VPS13D: variants seen among roughly 807,000 people sequenced by gnomAD.
VPS13D encodes the protein intermembrane lipid transfer protein VPS13D.
A neutral mutation model predicts 461.9 loss-of-function variants in VPS13D; 187 were observed. The observed-to-expected ratio is 0.40, with a 90% confidence interval of 0.36 to 0.46. The LOEUF (loss-of-function observed/expected upper bound fraction) is 0.46. Ranked by LOEUF, VPS13D falls within the 20% of genes least tolerant of loss-of-function variation. VPS13D has a pLI of 0.60. For synonymous variants in VPS13D, 1,951 were observed against 1,986.3 expected (o/e 0.98, Z 0.47); for missense variants, 4,711 against 5,364.9 (o/e 0.88, Z 3.81).
At chr1:12,472,294 C>G (rs772665626) in intron 67 of VPS13D, among the ~76,000 whole-genome samples, 3 of 152,174 alleles carry the variant, frequency 2.0e-5, no homozygotes, top group African/African-American at 4.8e-5. Flanking sequence ...GTGGAATGAT[C>G]AAGTGGGGAC....
chr1:12,506,483 A>G (rs1190316324), intron 68 of VPS13D, among the ~76,000 whole-genome samples: 1 of 152,066 alleles, frequency 6.6e-6, no homozygotes, highest in Non-Finnish European at 1.5e-5. Context: ...AACCTGTTTA[A>G]TTCTGCTTTT....
At chr1:12,316,498 A>G (rs761189692) in intron 30 of VPS13D, among the ~76,000 whole-genome samples, 21 of 152,152 alleles carry the variant, frequency 1.4e-4, no homozygotes, top group African/African-American at 1.9e-4. Context: ...CTGACAATCT[A>G]TGTTCAAAAT....
At chr1:12,405,438 G>T (rs1644639729) in intron 63 of VPS13D, among the ~76,000 whole-genome samples, 3 of 152,146 alleles carry the variant, frequency 2.0e-5, no homozygotes, top group African/African-American at 7.2e-5. Context: ...ACAGTAGTCT[G>T]GTCAACATCA....
intron 67 of VPS13D, among the ~76,000 whole-genome samples, chr1:12,480,647 A>G (rs1294487391): frequency 1.4e-4 from 21 of 152,162 alleles, no homozygotes; most frequent in Admixed American, 1.4e-3. Context: ...TCATGTATTT[A>G]AGGTTAAATT....
chr1:12,349,196 G>A lies in VPS13D; in HGVS notation c.9253G>A (p.Asp3085Asn). 6.2e-7 allele frequency: 1 copy of A among 1,614,030 alleles called. No homozygotes were observed. The highest frequency in any genetic ancestry group is 1.1e-5 in the South Asian group (1 of 91,072). ...GGTGCTTCCTGCTATCATGCCAGGGGATTCGTTTGCTGTGCCTTTACACCT... is the reference window on the plus strand; with the variant it reads ...GGTGCTTCCTGCTATCATGCCAGGGAATTCGTTTGCTGTGCCTTTACACCT... ...PVVLPAIMPGDSFAVPLHLTS... is the reference protein window; with the variant it reads ...PVVLPAIMPGNSFAVPLHLTS... The change falls in exon 46 of 70, where the codon GAT becomes AAT. Residue 3085 changes from aspartate (D) to asparagine (N), a missense_variant. By Grantham distance (23) the Asp-to-Asn change is conservative. This residue lies in a region of VPS13D where 4,411 missense variants were observed against 4,937.8 expected (regional missense o/e 0.89). Coordinates refer to ENST00000620676, the MANE Select transcript of VPS13D (RefSeq NM_015378.4).
At chr1:12,434,372 A>C (rs1415685598) in intron 65 of VPS13D, among the ~76,000 whole-genome samples, 1 of 151,948 alleles carries the variant, frequency 6.6e-6, no homozygotes, top group Non-Finnish European at 1.5e-5. Flanking sequence ...GGGAGGATGA[A>C]ATGAGTCAGT....
At chr1:12,443,771 C>CA (rs1021383992) in intron 65 of VPS13D, among the ~76,000 whole-genome samples, 1 of 152,052 alleles carries the variant, frequency 6.6e-6, no homozygotes, top group African/African-American at 2.4e-5. Flanking sequence ...TCCATACCTC[C>CA]ATCTGGGCCC....
At chr1:12,460,923 A>T (rs1028151704) in intron 67 of VPS13D, among the ~76,000 whole-genome samples, 3 of 151,980 alleles carry the variant, frequency 2.0e-5, no homozygotes, top group Non-Finnish European at 2.9e-5. Flanking sequence ...CCAACCCCAT[A>T]AAGAAAAGTG....
intron 38 of VPS13D, 52 bp from the exon 39 acceptor site, chr1:12,335,653 G>A (rs1012792477): frequency 2.2e-5 from 35 of 1,556,288 alleles, no homozygotes; most frequent in Middle Eastern, 1.7e-4. Context: ...TATTTGACTC[G>A]AACCCTCCAT....
rs2101210363 is a variant in VPS13D, at chr1:12,244,376, G to A, written c.306G>A (p.Glu102=). The A allele has an allele frequency of 6.2e-7, 1 of 1,614,192 alleles. No individual in the cohort carries two copies. The highest frequency in any genetic ancestry group is 2.2e-5 in the East Asian group (1 of 44,890). Residue 102 remains glutamate (E), a synonymous_variant, in exon 4 of 70, where the codon GAG becomes GAA. Transcript: ENST00000620676. ...EKIQDFNDEK[E]KLLERERKKA... ...TACAGGATTTCAATGATGAAAAGGA[G>A]AAGCTGTTGGAAAGGGAACGTAAGA...
chr1:12,338,562 G>A (rs1003611783), intron 40 of VPS13D, among the ~76,000 whole-genome samples: 1 of 152,134 alleles, frequency 6.6e-6, no homozygotes, highest in Non-Finnish European at 1.5e-5. Context: ...GCAGAAATAT[G>A]TTAATACAAT....
At chr1:12,348,743 T>C in intron 44 of VPS13D, 80 bp from the exon 45 acceptor site, 1 of 1,530,614 alleles carries the variant, frequency 6.5e-7, no homozygotes, top group Non-Finnish European at 8.9e-7. Flanking sequence ...ACTTTTAAGG[T>C]AGACATTCTG....
intron 21 of VPS13D, among the ~76,000 whole-genome samples, chr1:12,285,450 C>T (rs1456150591): frequency 2.6e-5 from 4 of 151,820 alleles, no homozygotes; most frequent in Non-Finnish European, 5.9e-5. Context: ...GCCGCCATGC[C>T]CATCTAATTT....
rs1348436289 is a variant in VPS13D at position 12,510,546 on chromosome 1, T to TGTGC, written c.*1525_*1526insCGTG. The TGTGC allele has an allele frequency of 6.5e-6, 1 of 153,550 alleles. No individual in the cohort carries two copies. The highest frequency in any genetic ancestry group is 1.4e-5 in the Non-Finnish European group (1 of 69,542). The allele number at this position is 153,550 out of a possible 1,614,324, so 9.5% of individuals were successfully genotyped here. A position where few individuals can be genotyped will look rare whatever the true frequency, so the allele number is the denominator to read the frequency against. On this transcript the variant is annotated 3_prime_UTR_variant, in exon 70 of 70. Transcript: ENST00000620676. ...GTGTCTGTGTGTGTGTGTGTGTGTG[T>TGTGC]GTGTGTGTGCGCGCGCGCGCGTGCA...
intron 9 of VPS13D, among the ~76,000 whole-genome samples, chr1:12,257,655 C>T (rs569891289): frequency 9.9e-5 from 15 of 152,196 alleles, no homozygotes; most frequent in African/African-American, 3.1e-4. Context: ...AGTCAGCCTT[C>T]GATATTCTGT....
chr1:12,275,889 A>T lies in VPS13D; in HGVS notation c.2301A>T (p.Glu767Asp). Residue 767 changes from glutamate (E) to aspartate (D), a missense_variant, in exon 19 of 70, where the codon GAA (glutamate) becomes GAT (aspartate). Coordinates refer to ENST00000620676, the MANE Select transcript of VPS13D (RefSeq NM_015378.4). ...ASEETQFSDD[E>D]YKTPLATPPN... ...AAGAGACCCAGTTTAGTGATGATGAATATAAGACCCCCCTGGCCACACCTC... is the reference window on the plus strand; with the variant it reads ...AAGAGACCCAGTTTAGTGATGATGATTATAAGACCCCCCTGGCCACACCTC... 1.2e-6 allele frequency: 2 copies of T among 1,613,642 alleles called. No individual in the cohort carries two copies. The highest frequency in any genetic ancestry group is 1.7e-6 in the Non-Finnish European group (2 of 1,179,880).
chr1:12,377,957 C>T (rs1261392686), intron 55 of VPS13D, among the ~76,000 whole-genome samples: 5 of 151,872 alleles, frequency 3.3e-5, no homozygotes, highest in Non-Finnish European at 5.9e-5. Context: ...TATAAACATT[C>T]GGGACGGGGA....
chr1:12,294,404 G>A (rs183121550), intron 24 of VPS13D, among the ~76,000 whole-genome samples: 92 of 152,202 alleles, frequency 6.0e-4, no homozygotes, highest in African/African-American at 2.1e-3. Flanking sequence ...ACCCAGCTTC[G>A]CAAAGATAAT....
chr1:12,436,102 GAC>G (rs1319008982), intron 65 of VPS13D, among the ~76,000 whole-genome samples: 1 of 152,182 alleles, frequency 6.6e-6, no homozygotes, highest in Non-Finnish European at 1.5e-5. Flanking sequence ...AGGCACAGGG[GAC>G]ACAGACATAA....
Sources: allele counts gnomAD v4.1 joint callset (sites outside exome capture counted in the v4.1 genomes callset), GRCh38; gene constraint gnomAD v4.1.1; regional missense constraint gnomAD v4.1.1; transcripts MANE v1.5; gene names NCBI Gene and HGNC (gene_info 2026-07-23, HGNC 2026-07-21).